BLNK: variants seen among roughly 807,000 people sequenced by gnomAD.
The protein encoded by BLNK is B-cell linker protein.
BLNK carries 29 observed loss-of-function variants against 73.5 expected under a neutral mutation model. The ratio of observed to expected loss-of-function variants is 0.39; its 90% CI spans 0.29 to 0.54. BLNK has a LOEUF of 0.54. BLNK is among the 20% of genes least tolerant of loss of function. The pLI is 0.61. For missense variants in BLNK, 460 were observed against 562.8 expected, an observed-to-expected ratio of 0.82 and a Z score of 1.85; for synonymous variants, 176 against 200.8, an observed-to-expected ratio of 0.88 and a Z score of 1.04.
intron 1 of BLNK, among the ~76,000 whole-genome samples, chr10:96,251,538 G>T (rs186358317): frequency 6.6e-6 from 1 of 152,274 alleles, no homozygotes; most frequent in African/African-American, 2.4e-5. Flanking sequence ...TGGGGAGATG[G>T]ATAATAAGGT....
intron 3 of BLNK, among the ~76,000 whole-genome samples, chr10:96,233,443 C>T (rs1021218953): frequency 7.9e-5 from 12 of 152,136 alleles, no homozygotes; most frequent in South Asian, 2.1e-4. Flanking sequence ...TCAGTGACTC[C>T]CTATGGAATC....
intron 3 of BLNK, among the ~76,000 whole-genome samples, chr10:96,238,244 G>C (rs1191408199): frequency 2.0e-5 from 3 of 152,212 alleles, no homozygotes; most frequent in African/African-American, 7.2e-5. Context: ...AGGGTATGGT[G>C]ACTCTTTTAC....
intron 1 of BLNK, among the ~76,000 whole-genome samples, chr10:96,252,482 C>T (rs1256583946): frequency 1.3e-5 from 2 of 152,154 alleles, no homozygotes; most frequent in East Asian, 3.8e-4. Flanking sequence ...AAGCAAATAC[C>T]TGTTTGGGGG....
At chr10:96,202,758 G>A (rs1326266134) in intron 13 of BLNK, among the ~76,000 whole-genome samples, 1 of 152,224 alleles carries the variant, frequency 6.6e-6, no homozygotes, top group Non-Finnish European at 1.5e-5. Context: ...GTGCAGGGCA[G>A]TTTGTGGTTT....
At chr10:96,253,983 T>C (rs528625278) in intron 1 of BLNK, among the ~76,000 whole-genome samples, 2 of 149,954 alleles carry the variant, frequency 1.3e-5, no homozygotes, top group East Asian at 2.0e-4. Flanking sequence ...ATCGTGCCAC[T>C]GCACTCCAGC....
chr10:96,196,212 A>C (rs1424112498), intron 16 of BLNK, among the ~76,000 whole-genome samples: 1 of 152,146 alleles, frequency 6.6e-6, no homozygotes, highest in Non-Finnish European at 1.5e-5. Context: ...TCCAACTTAC[A>C]TTCTACCCAT....
rs587613237 is a variant in BLNK, at chr10:96,242,641, T to C, written c.163+94A>G. ...AGAAAAGATACCTTTTGTTTTCAAA[T>C]GAGGATAGCGTATTTCCCTTTCCAT... On this transcript the variant is annotated intron_variant, in intron 3 of 16. Transcript: ENST00000224337. The C allele has an allele frequency of 2.7e-5, 32 of 1,198,322 alleles. No homozygotes were observed. In the South Asian group the frequency reaches 3.5e-4, roughly 13 times the overall value. 74.2% of individuals were successfully genotyped at this position (1,198,322 alleles called of 1,614,324 possible).
rs782577581 is a variant in BLNK, at chr10:96,215,422, T to C, written c.608-33A>G. 7 of 1,548,092 alleles carry C rather than the reference T, an allele frequency of 4.5e-6. No individual in the cohort carries two copies. The South Asian group carries it at 5.8e-5, about 13-fold the overall frequency. On this transcript the variant is annotated intron_variant, in intron 7 of 16. Transcript: ENST00000224337. ...ACAGAAATGTGTGTGTATATATATA[T>C]ATATATATACATAAAACCATTACAG...
intron 1 of BLNK, among the ~76,000 whole-genome samples, chr10:96,267,513 A>G (rs1406906887): frequency 6.6e-6 from 1 of 152,178 alleles, no homozygotes; most frequent in East Asian, 1.9e-4. Flanking sequence ...AAAATCAAGG[A>G]AGTAAAAACT....
At chr10:96,229,226 C>G (rs587764313) in intron 4 of BLNK, among the ~76,000 whole-genome samples, 2 of 149,076 alleles carry the variant, frequency 1.3e-5, no homozygotes, top group Admixed American at 6.7e-5. Context: ...TCCCTCCCCC[C>G]ACCTGCTGCC....
chr10:96,205,005 C>T (rs1299668139), intron 11 of BLNK: 4 of 306,892 alleles, frequency 1.3e-5, no homozygotes, highest in Middle Eastern at 2.3e-3. Context: ...GTGGAGACAA[C>T]ACCCTGGTGG....
chr10:96,193,066 T>C (rs947697151), intron 16 of BLNK, among the ~76,000 whole-genome samples: 5 of 152,202 alleles, frequency 3.3e-5, no homozygotes, highest in Non-Finnish European at 7.4e-5. Context: ...TTGGCCAACA[T>C]TTCCAAATGA....
chr10:96,196,868 T>C (rs200470518), intron 16 of BLNK, 40 bp downstream of exon 16: 14 of 1,592,822 alleles, frequency 8.8e-6, no homozygotes, highest in Non-Finnish European at 1.2e-5. Context: ...TTATACTCAA[T>C]GCATAGTTAT....
chr10:96,232,634 T>TAG (rs1554904254), intron 3 of BLNK, among the ~76,000 whole-genome samples: 1 of 152,132 alleles, frequency 6.6e-6, no homozygotes, highest in Non-Finnish European at 1.5e-5. Flanking sequence ...CAAACATGGG[T>TAG]CACACTTTGA....
chr10:96,242,707 CA>C, intron 3 of BLNK, 27 bp downstream of exon 3: 1 of 1,597,212 alleles, frequency 6.3e-7, no homozygotes, highest in Non-Finnish European at 8.6e-7. Flanking sequence ...AGTCAAGAGT[CA>C]GTTAAAGTAT....
chr10:96,232,456 T>C (rs1449247528), intron 3 of BLNK, among the ~76,000 whole-genome samples: 1 of 151,722 alleles, frequency 6.6e-6, no homozygotes, highest in Admixed American at 6.6e-5. Flanking sequence ...CTCCAGAGAG[T>C]CAAACATTTG....
At chr10:96,260,904 C>T (rs1400114991) in intron 1 of BLNK, among the ~76,000 whole-genome samples, 9 of 151,282 alleles carry the variant, frequency 5.9e-5, no homozygotes, top group South Asian at 2.1e-4. Flanking sequence ...GGTATAGTGG[C>T]GTTATCTCGG....
chr10:96,239,463 G>A (rs2134070749), intron 3 of BLNK, among the ~76,000 whole-genome samples: 1 of 152,334 alleles, frequency 6.6e-6, no homozygotes, highest in East Asian at 1.9e-4. Context: ...CCTCTTGTTA[G>A]CAATGTAGAG....
chr10:96,197,143 G>C, intron 15 of BLNK, 80 bp from the exon 16 acceptor site: 1 of 1,107,286 alleles, frequency 9.0e-7, no homozygotes, highest in Non-Finnish European at 1.3e-6. Context: ...ATTTTGTGAA[G>C]AACACCTATA....
Sources: gnomAD v4.1 joint callset for allele counts (sites outside exome capture counted in the v4.1 genomes callset) on GRCh38, gnomAD v4.1.1 for gene constraint, MANE v1.5 for transcripts, NCBI Gene and HGNC (gene_info 2026-07-23, HGNC 2026-07-21) for gene names.